PLS1: variants seen among roughly 807,000 people sequenced by gnomAD.
PLS1 encodes the protein plastin 1, also known as plastin-1.
PLS1 carries 32 observed loss-of-function variants against 73.7 expected under a neutral mutation model. That is an observed-to-expected ratio of 0.43 (90% CI 0.33 to 0.58). The LOEUF (loss-of-function observed/expected upper bound fraction) is 0.58. Ranked by LOEUF, PLS1 falls within the 20% of genes least tolerant of loss-of-function variation. PLS1 has a pLI of 0.04. For missense variants in PLS1, 633 were observed against 740.5 expected, an observed-to-expected ratio of 0.85 and a Z score of 1.68; for synonymous variants, 217 against 261.3, an observed-to-expected ratio of 0.83 and a Z score of 1.63.
At chr3:142,687,336 G>A (rs1194702566) in intron 9 of PLS1, among the ~76,000 whole-genome samples, 1 of 152,132 alleles carries the variant, frequency 6.6e-6, no homozygotes, top group Admixed American at 6.6e-5. Flanking sequence ...CCGTGGGTTG[G>A]ACAAACTTGA....
chr3:142,702,362 T>C (rs2038348821), intron 12 of PLS1, among the ~76,000 whole-genome samples: 1 of 152,252 alleles, frequency 6.6e-6, no homozygotes, highest in Non-Finnish European at 1.5e-5. Context: ...GATTCTCTTT[T>C]TTAAGAACAA....
At chr3:142,679,978 G>C (rs990275623) in intron 6 of PLS1, among the ~76,000 whole-genome samples, 1 of 152,028 alleles carries the variant, frequency 6.6e-6, no homozygotes, top group African/African-American at 2.4e-5. Flanking sequence ...TCTCCTTGAA[G>C]AGGTCCTTCA....
At chr3:142,698,875 T>C (rs559172420) in intron 12 of PLS1, among the ~76,000 whole-genome samples, 83 of 152,180 alleles carry the variant, frequency 5.5e-4, no homozygotes, top group Non-Finnish European at 9.7e-4. Context: ...GGTGGCAAAA[T>C]GCTAATCATA....
At chr3:142,613,523 T>C (rs767136662) in intron 1 of PLS1, among the ~76,000 whole-genome samples, 2 of 152,016 alleles carry the variant, frequency 1.3e-5, no homozygotes, top group Non-Finnish European at 2.9e-5. Context: ...AGAAAAAAGC[T>C]AAGTTCTGGT....
chr3:142,686,402 A>G (rs1437225709), intron 9 of PLS1, 26 bp downstream of exon 9: 4 of 1,348,152 alleles, frequency 3.0e-6, no homozygotes, highest in Non-Finnish European at 4.3e-6. Context: ...AACTTTTAAA[A>G]TATATTGTGG....
At chr3:142,632,876 G>A (rs916187435) in intron 1 of PLS1, among the ~76,000 whole-genome samples, 1 of 152,178 alleles carries the variant, frequency 6.6e-6, no homozygotes, top group African/African-American at 2.4e-5. Flanking sequence ...TGGGATTACA[G>A]GCATGAGCCA....
chr3:142,652,778 T>A (rs1327171115), intron 1 of PLS1, among the ~76,000 whole-genome samples: 3 of 152,126 alleles, frequency 2.0e-5, no homozygotes, highest in African/African-American at 7.2e-5. Flanking sequence ...TTGTTGTTGG[T>A]TTTTGTTTGT....
intron 1 of PLS1, among the ~76,000 whole-genome samples, chr3:142,648,179 A>C (rs1239726076): frequency 6.6e-6 from 1 of 152,170 alleles, no homozygotes; most frequent in Non-Finnish European, 1.5e-5. Context: ...TGAAGGAAAA[A>C]ATTCATGGTG....
At chr3:142,667,473 C>T (rs113498816) in intron 2 of PLS1, among the ~76,000 whole-genome samples, 187 of 151,948 alleles carry the variant, frequency 1.2e-3, no homozygotes, top group African/African-American at 4.2e-3. Flanking sequence ...TTCAGCCTGG[C>T]GACAGAGCAA....
rs190364287 is a variant in PLS1 at position 142,634,096 on chromosome 3, C to A, written c.-36-30106C>A. Among the ~76,000 whole-genome samples, 20 of 152,184 alleles carry A rather than the reference C, an allele frequency of 1.3e-4. 1 individual carries two copies. The East Asian group carries it at 3.9e-3, about 29-fold the overall frequency. On this transcript the variant is annotated intron_variant, in intron 1 of 15. Coordinates refer to ENST00000457734, the MANE Select transcript of PLS1 (RefSeq NM_001145319.2). ...ACATTGCAGAAGAAAAGATTAGAGA[C>A]CTCGGAGACATAACAATGGAAGCTG...
At chr3:142,611,336 A>G (rs1007958370) in intron 1 of PLS1, among the ~76,000 whole-genome samples, 3 of 152,192 alleles carry the variant, frequency 2.0e-5, no homozygotes, top group Non-Finnish European at 4.4e-5. Flanking sequence ...TAATTACTTA[A>G]ATTGGTCAAG....
At chr3:142,693,720 T>G (rs1191894831) in intron 10 of PLS1, among the ~76,000 whole-genome samples, 1 of 152,166 alleles carries the variant, frequency 6.6e-6, no homozygotes, top group African/African-American at 2.4e-5. Flanking sequence ...ATGTAAGCAC[T>G]GTTACAAAGG....
intron 4 of PLS1, among the ~76,000 whole-genome samples, chr3:142,671,546 A>T (rs938753466): frequency 1.3e-5 from 2 of 151,654 alleles, no homozygotes; most frequent in African/African-American, 2.4e-5. Context: ...TTTCTCTTCC[A>T]TTTTCTGAGA....
chr3:142,627,483 CCT>C (rs2036454248), intron 1 of PLS1, among the ~76,000 whole-genome samples: 1 of 152,072 alleles, frequency 6.6e-6, no homozygotes, highest in Non-Finnish European at 1.5e-5. Flanking sequence ...TAAACTCTAC[CCT>C]CTCAGGAAAA....
At chr3:142,608,084 G>T (rs977377891) in intron 1 of PLS1, among the ~76,000 whole-genome samples, 2 of 152,138 alleles carry the variant, frequency 1.3e-5, no homozygotes, top group African/African-American at 2.4e-5. Flanking sequence ...GGCTCAGGCA[G>T]TTCTCCTGCT....
intron 1 of PLS1, among the ~76,000 whole-genome samples, chr3:142,647,505 T>TTC (rs1331544150): frequency 3.0e-4 from 45 of 148,790 alleles, no homozygotes; most frequent in South Asian, 6.4e-4. Context: ...TTTCTTTTCT[T>TTC]TTTTTTTTTT....
At chr3:142,600,908 ATATATATATTTTTTT>A (rs2035910263) in intron 1 of PLS1, among the ~76,000 whole-genome samples, 1 of 27,530 alleles carries the variant, frequency 3.6e-5, no homozygotes, top group East Asian at 1.1e-3. Flanking sequence ...ATATATATAT[ATATATATATTTTTTT>A]TTTTTTTTTT....
intron 1 of PLS1, among the ~76,000 whole-genome samples, chr3:142,615,196 A>G (rs2036194478): frequency 6.6e-6 from 1 of 152,142 alleles, no homozygotes. Flanking sequence ...GGTCTGGACA[A>G]TTGTTGATGA....
intron 10 of PLS1, among the ~76,000 whole-genome samples, chr3:142,691,305 C>CA (rs1286161208): frequency 5.3e-5 from 8 of 151,248 alleles, no homozygotes; most frequent in Non-Finnish European, 1.0e-4. Context: ...GGAAAATAGA[C>CA]AAAAAATGTA....
Sources: gnomAD v4.1 joint callset for allele counts (sites outside exome capture counted in the v4.1 genomes callset) on GRCh38, gnomAD v4.1.1 for gene constraint, MANE v1.5 for transcripts, NCBI Gene and HGNC (gene_info 2026-07-23, HGNC 2026-07-21) for gene names.